TSHR: variants seen among roughly 807,000 people sequenced by gnomAD.
TSHR encodes thyrotropin receptor.
In TSHR, 51 loss-of-function variants were observed where a neutral mutation model predicts 64.1. The ratio of observed to expected loss-of-function variants is 0.80; its 90% CI spans 0.64 to 1.01. The LOEUF is 1.01. Ranked by LOEUF, TSHR falls within the 50% of genes least tolerant of loss-of-function variation. TSHR has a pLI of 0.00. For synonymous variants in TSHR, 361 were observed against 361.9 expected (o/e 1.00, Z 0.03); for missense variants, 877 against 942.8 (o/e 0.93, Z 0.91).
At chr14:81,102,882 A>G (rs922332922) in intron 7 of TSHR, 1 of 985,372 alleles carries the variant, frequency 1.0e-6, no homozygotes. Flanking sequence ...CTGGATTAAA[A>G]TATTTGGCGT....
At chr14:81,070,483 C>G (rs952119628) in intron 3 of TSHR, among the ~76,000 whole-genome samples, 1 of 151,504 alleles carries the variant, frequency 6.6e-6, no homozygotes, top group Non-Finnish European at 1.5e-5. Context: ...AAAAATTTGC[C>G]GGGCATGGTG....
intron 1 of TSHR, among the ~76,000 whole-genome samples, chr14:81,016,465 T>C (rs1883410954): frequency 6.8e-6 from 1 of 146,170 alleles, no homozygotes; most frequent in East Asian, 1.9e-4. Flanking sequence ...CCATTTTTAA[T>C]GGGTTATTTG....
At chr14:81,043,376 A>T (rs549058377) in intron 1 of TSHR, among the ~76,000 whole-genome samples, 1 of 152,314 alleles carries the variant, frequency 6.6e-6, no homozygotes, top group East Asian at 1.9e-4. Flanking sequence ...AATACAGCTA[A>T]CCAGGGAGGT....
intron 3 of TSHR, among the ~76,000 whole-genome samples, chr14:81,079,807 G>A (rs2139942824): frequency 6.7e-6 from 1 of 150,250 alleles, no homozygotes; most frequent in African/African-American, 2.4e-5. Context: ...AGTGAGTCAT[G>A]ATCGTGCTAC....
intron 1 of TSHR, chr14:81,051,623 A>G (rs1356676551): frequency 6.6e-6 from 1 of 152,146 alleles, no homozygotes; most frequent in African/African-American, 2.4e-5. Context: ...TACTTTTTCC[A>G]AAATAGTTGT....
intron 8 of TSHR, among the ~76,000 whole-genome samples, chr14:81,131,979 C>T (rs1301302114): frequency 6.9e-6 from 1 of 144,752 alleles, no homozygotes; most frequent in Non-Finnish European, 1.5e-5. Flanking sequence ...GCAATCAATA[C>T]ATTCTGTACT....
chr14:81,075,683 T>C (rs935061300), intron 3 of TSHR, among the ~76,000 whole-genome samples: 2 of 132,738 alleles, frequency 1.5e-5, no homozygotes, highest in African/African-American at 5.8e-5. Flanking sequence ...AGGAACACTT[T>C]TACACTGTTG....
chr14:80,978,217 A>C (rs1392387808), intron 1 of TSHR, among the ~76,000 whole-genome samples: 5 of 152,012 alleles, frequency 3.3e-5, no homozygotes, highest in Non-Finnish European at 1.5e-5. Context: ...TCATTGATTA[A>C]AGTTTTTAGT....
intron 1 of TSHR, among the ~76,000 whole-genome samples, chr14:81,047,487 T>TA (rs1260430131): frequency 6.6e-6 from 1 of 152,164 alleles, no homozygotes; most frequent in Non-Finnish European, 1.5e-5. Context: ...TCTCCTTGAA[T>TA]AAAATTCACT....
rs893835396 is a variant in TSHR, at chr14:81,139,820, T to G, written c.834T>G (p.Ser278=). 3.7e-6 allele frequency: 6 copies of G among 1,614,088 alleles called. No individual in the cohort carries two copies. The African/African-American group carries it at 6.7e-5, about 18-fold the overall frequency. The change falls in exon 9 of 10, where the codon TCT becomes TCG. Residue 278 remains serine (S), a synonymous_variant. Coordinates refer to ENST00000298171, the MANE Select transcript of TSHR (RefSeq NM_000369.5). The stretch of plus-strand genomic sequence containing the variant: ...TTCACCTCACACGGGCTGACCTTTC[T>G]TACCCAAGCCACTGCTGTGCTTTTA... ...SFLHLTRADL[S]YPSHCCAFKN... is the part of the protein sequence containing the mutation.
chr14:81,126,035 G>A (rs943195196), intron 8 of TSHR, among the ~76,000 whole-genome samples: 11 of 152,124 alleles, frequency 7.2e-5, no homozygotes, highest in African/African-American at 2.4e-4. Context: ...CAGAACAGAA[G>A]AGTCACATTG....
intron 1 of TSHR, chr14:81,033,468 T>G (rs1386202939): frequency 6.4e-6 from 1 of 156,182 alleles, no homozygotes; most frequent in Non-Finnish European, 1.4e-5. Flanking sequence ...ACAATCTGGG[T>G]GTTAATAACT....
chr14:81,077,018 C>T (rs1034871802), intron 3 of TSHR, among the ~76,000 whole-genome samples: 1 of 152,072 alleles, frequency 6.6e-6, no homozygotes, highest in Non-Finnish European at 1.5e-5. Context: ...TCTGCCTAGA[C>T]ATTTATTTCT....
At chr14:81,084,444 GTACTC>G (rs1355884087) in intron 3 of TSHR, among the ~76,000 whole-genome samples, 1 of 152,010 alleles carries the variant, frequency 6.6e-6, no homozygotes, top group African/African-American at 2.4e-5. Context: ...TATGAACAGA[GTACTC>G]TATATTTTTG....
intron 1 of TSHR, among the ~76,000 whole-genome samples, chr14:81,054,142 C>T (rs1382471649): frequency 1.3e-5 from 2 of 152,144 alleles, no homozygotes; most frequent in East Asian, 1.9e-4. Flanking sequence ...CTTTCCTGTG[C>T]TGTCTTCATG....
chr14:81,112,334 G>T (rs1890260175), intron 8 of TSHR, among the ~76,000 whole-genome samples: 1 of 152,064 alleles, frequency 6.6e-6, no homozygotes. Context: ...CTGATCTGTT[G>T]TAACCTCTCT....
chr14:81,090,304 G>A (rs1472255746), intron 4 of TSHR, among the ~76,000 whole-genome samples: 1 of 152,124 alleles, frequency 6.6e-6, no homozygotes, highest in African/African-American at 2.4e-5. Context: ...GAGTGCAGTG[G>A]CATGATCTCG....
chr14:81,071,195 GAAA>G (rs1457116083), intron 3 of TSHR, among the ~76,000 whole-genome samples: 4 of 152,132 alleles, frequency 2.6e-5, no homozygotes, highest in Admixed American at 2.6e-4. Context: ...TAAATGGAAA[GAAA>G]AAATAATAAA....
intron 8 of TSHR, among the ~76,000 whole-genome samples, chr14:81,109,622 G>A (rs562468467): frequency 6.6e-6 from 1 of 152,254 alleles, no homozygotes; most frequent in African/African-American, 2.4e-5. Context: ...ATGCCTCCTA[G>A]AGAAGGGTGA....
Sources: allele counts gnomAD v4.1 joint callset (sites outside exome capture counted in the v4.1 genomes callset), GRCh38; gene constraint gnomAD v4.1.1; transcripts MANE v1.5; gene names NCBI Gene and HGNC (gene_info 2026-07-23, HGNC 2026-07-21).